Variants in ELMO1 observed in about 807,000 individuals in gnomAD.
ELMO1 encodes engulfment and cell motility 1, also known as engulfment and cell motility protein 1.
ELMO1 carries 26 observed loss-of-function variants against 98.9 expected under a neutral mutation model. The ratio of observed to expected loss-of-function variants is 0.26; its 90% CI spans 0.19 to 0.36. The LOEUF (loss-of-function observed/expected upper bound fraction) is 0.36. ELMO1 is among the 10% of genes least tolerant of loss of function. ELMO1 has a pLI of 1.00. For missense variants in ELMO1, 627 were observed against 935.2 expected, an observed-to-expected ratio of 0.67 and a Z score of 4.30; for synonymous variants, 346 against 346.0, an observed-to-expected ratio of 1.00 and a Z score of 0.00.
At chr7:37,271,993 T>C (rs1796582334) in intron 4 of ELMO1, 111 bp from the exon 5 acceptor site, 4 of 859,106 alleles carry the variant, frequency 4.7e-6, no homozygotes, top group Non-Finnish European at 7.4e-6. Flanking sequence ...TTATTCTCAC[T>C]TGAATAATTT....
chr7:37,244,541 T>C, intron 6 of ELMO1, 150 bp from the exon 7 acceptor site: 1 of 748,042 alleles, frequency 1.3e-6, no homozygotes, highest in Non-Finnish European at 2.2e-6. Flanking sequence ...CAAGACATCA[T>C]TCAAAGTAAT....
At chr7:37,434,519 T>C (rs986891811) in intron 1 of ELMO1, among the ~76,000 whole-genome samples, 2 of 152,238 alleles carry the variant, frequency 1.3e-5, no homozygotes, top group African/African-American at 4.8e-5. Context: ...ACAGGAGTGA[T>C]TGTACAGTCA....
intron 1 of ELMO1, among the ~76,000 whole-genome samples, chr7:37,417,091 C>T (rs1046478611): frequency 6.6e-6 from 1 of 152,148 alleles, no homozygotes; most frequent in Non-Finnish European, 1.5e-5. Context: ...TAGAAGAGGG[C>T]ACCGTTTTAC....
At chr7:37,135,515 C>A (rs1273236939) in intron 13 of ELMO1, among the ~76,000 whole-genome samples, 2 of 152,174 alleles carry the variant, frequency 1.3e-5, no homozygotes, top group Non-Finnish European at 2.9e-5. Flanking sequence ...GTGCAGGTAT[C>A]AATGGCTGCA....
chr7:37,169,390 C>T (rs139353006), intron 13 of ELMO1, among the ~76,000 whole-genome samples: 33,451 of 152,028 alleles, frequency 0.22, 4,738 homozygotes, highest in African/African-American at 0.4. Context: ...GAGATGAACC[C>T]GGTACCTCAG....
At chr7:37,213,234 C>A (rs1317056558) in intron 12 of ELMO1, 101 bp downstream of exon 12, 1 of 1,444,176 alleles carries the variant, frequency 6.9e-7, no homozygotes, top group East Asian at 2.3e-5. Flanking sequence ...GACATCATAT[C>A]AAACTCTGAA....
intron 16 of ELMO1, among the ~76,000 whole-genome samples, chr7:37,008,013 G>A (rs373471528): frequency 4.6e-5 from 7 of 152,224 alleles, no homozygotes; most frequent in South Asian, 4.2e-4. Flanking sequence ...TATTGTGTGC[G>A]CTTAGTTTAT....
chr7:37,063,837 T>G (rs1041409048), intron 15 of ELMO1, among the ~76,000 whole-genome samples: 1 of 152,036 alleles, frequency 6.6e-6, no homozygotes, highest in African/African-American at 2.4e-5. Flanking sequence ...CCTTAAGTAG[T>G]AAGTACCACT....
chr7:37,217,642 G>A, intron 10 of ELMO1: 16 of 455,492 alleles, frequency 3.5e-5, no homozygotes, highest in South Asian at 2.5e-4. Flanking sequence ...CATACAAGCA[G>A]GGGTGGACAG....
At chr7:36,980,330 G>A (rs1455696280) in intron 16 of ELMO1, among the ~76,000 whole-genome samples, 1 of 152,224 alleles carries the variant, frequency 6.6e-6, no homozygotes, top group Non-Finnish European at 1.5e-5. Flanking sequence ...TTAGTGCTGT[G>A]TTAAGAAGGA....
intron 1 of ELMO1, among the ~76,000 whole-genome samples, chr7:37,401,193 T>G (rs773053125): frequency 6.6e-6 from 1 of 152,190 alleles, no homozygotes; most frequent in East Asian, 1.9e-4. Context: ...CCTACACTCA[T>G]GTCAGAAATA....
intron 13 of ELMO1, among the ~76,000 whole-genome samples, chr7:37,187,724 C>CTAAT (rs1791301500): frequency 1.3e-5 from 2 of 152,056 alleles, no homozygotes; most frequent in African/African-American, 4.8e-5. Flanking sequence ...TATACAAGGC[C>CTAAT]GCAGGTGCAC....
At chr7:36,936,046 A>G (rs1438275135) in intron 16 of ELMO1, among the ~76,000 whole-genome samples, 1 of 152,152 alleles carries the variant, frequency 6.6e-6, no homozygotes, top group Admixed American at 6.5e-5. Context: ...AGGCAGCCCT[A>G]GCACCTGAGT....
chr7:36,991,490 C>T (rs1174646403), intron 16 of ELMO1, among the ~76,000 whole-genome samples: 3 of 152,198 alleles, frequency 2.0e-5, no homozygotes, highest in Non-Finnish European at 4.4e-5. Flanking sequence ...GACCAGTATA[C>T]AGTTATCTCT....
chr7:36,864,957 T>C (rs953539309), intron 20 of ELMO1, among the ~76,000 whole-genome samples: 1 of 152,166 alleles, frequency 6.6e-6, no homozygotes, highest in Non-Finnish European at 1.5e-5. Context: ...TTCCATGCCC[T>C]GAGGCCCCTG....
intron 15 of ELMO1, among the ~76,000 whole-genome samples, chr7:37,044,917 G>A (rs1795715858): frequency 6.6e-6 from 1 of 152,140 alleles, no homozygotes; most frequent in Non-Finnish European, 1.5e-5. Context: ...GGCTGCTGTG[G>A]GCTATTTATT....
intron 4 of ELMO1, among the ~76,000 whole-genome samples, chr7:37,289,129 A>C (rs1464797308): frequency 6.6e-6 from 1 of 152,190 alleles, no homozygotes; most frequent in Non-Finnish European, 1.5e-5. Flanking sequence ...GGTATATCAA[A>C]TGTGTTCATC....
chr7:37,171,820 G>T (rs1182616834), intron 13 of ELMO1, among the ~76,000 whole-genome samples: 1 of 152,036 alleles, frequency 6.6e-6, no homozygotes, highest in Non-Finnish European at 1.5e-5. Flanking sequence ...ATTTTAGACT[G>T]ATGGGAAGCA....
chr7:37,197,970 T>C (rs1222082539), intron 13 of ELMO1, among the ~76,000 whole-genome samples: 1 of 152,170 alleles, frequency 6.6e-6, no homozygotes, highest in Non-Finnish European at 1.5e-5. Context: ...AATTGAAAAA[T>C]GCTTCCTGTC....
Sources: gnomAD v4.1 joint callset for allele counts (sites outside exome capture counted in the v4.1 genomes callset) on GRCh38, gnomAD v4.1.1 for gene constraint, MANE v1.5 for transcripts, NCBI Gene and HGNC (gene_info 2026-07-23, HGNC 2026-07-21) for gene names.